The following CDADC1 variants were observed in gnomAD, a reference collection of about 807,000 sequenced individuals.
CDADC1 encodes dCTP deaminase.
In CDADC1, 39 loss-of-function variants were observed where a neutral mutation model predicts 54.9. That is an observed-to-expected ratio of 0.71 (90% CI 0.55 to 0.93). The LOEUF (loss-of-function observed/expected upper bound fraction) is 0.93. CDADC1 is among the 40% of genes least tolerant of loss of function. The pLI, the probability that CDADC1 is intolerant of heterozygous loss-of-function variation, is 0.00. For missense variants in CDADC1, 518 were observed against 618.8 expected, an observed-to-expected ratio of 0.84 and a Z score of 1.73; for synonymous variants, 186 against 204.0, an observed-to-expected ratio of 0.91 and a Z score of 0.75.
rs1953296198 is a variant in CDADC1 at position 49,280,696 on chromosome 13, A to T, written c.1408A>T (p.Thr470Ser). The T allele has an allele frequency of 1.3e-6, 2 of 1,569,436 alleles. No homozygotes were observed. Among genetic ancestry groups the T allele is most frequent in the Non-Finnish European group, 1.7e-6 (2 of 1,160,446 alleles). ...FGELEGVSKF[T>S]WQLNPSGAYG... The stretch of plus-strand genomic sequence containing the variant: ...GGAGCTTGAAGGTGTTAGCAAATTT[A>T]CGGTAAGTAGATACACATTTTTTTC... The change falls in exon 8 of 10, where the codon ACG (threonine) becomes TCG (serine). Residue 470 changes from threonine (T) to serine (S), a missense_variant and splice_region_variant. Coordinates refer to ENST00000251108, the MANE Select transcript of CDADC1 (RefSeq NM_030911.4).
intron 2 of CDADC1, among the ~76,000 whole-genome samples, chr13:49,252,863 A>G (rs1952465520): frequency 6.6e-6 from 1 of 152,230 alleles, no homozygotes; most frequent in Admixed American, 6.5e-5. Context: ...TAAATTTCAT[A>G]TGCATGTAGT....
chr13:49,267,061 T>C (rs1266846231), intron 4 of CDADC1, among the ~76,000 whole-genome samples: 2 of 152,176 alleles, frequency 1.3e-5, no homozygotes, highest in Admixed American at 1.3e-4. Flanking sequence ...AAAGGCCAGA[T>C]AATAAATATT....
intron 3 of CDADC1, 118 bp from the exon 4 acceptor site, chr13:49,259,228 C>T: frequency 2.6e-6 from 2 of 766,704 alleles, no homozygotes; most frequent in Non-Finnish European, 3.9e-6. Flanking sequence ...TTTGTACAAA[C>T]TCTGTTTAGA....
intron 8 of CDADC1, among the ~76,000 whole-genome samples, chr13:49,281,836 A>G (rs1012651023): frequency 3.3e-5 from 5 of 152,168 alleles, no homozygotes; most frequent in African/African-American, 1.2e-4. Context: ...CTCATTGCCC[A>G]GGCTGGAGTG....
intron 6 of CDADC1, among the ~76,000 whole-genome samples, chr13:49,274,666 G>A (rs995943158): frequency 4.0e-5 from 6 of 150,794 alleles, no homozygotes; most frequent in African/African-American, 9.8e-5. Context: ...GCGAGACTCC[G>A]TCTCAAAAAA....
intron 9 of CDADC1, among the ~76,000 whole-genome samples, chr13:49,290,235 C>T (rs990831031): frequency 1.3e-5 from 2 of 151,616 alleles, no homozygotes; most frequent in African/African-American, 4.8e-5. Context: ...TTGTTGGATT[C>T]GGCAGTATGT....
At chr13:49,283,370 G>T (rs1027562486) in intron 8 of CDADC1, among the ~76,000 whole-genome samples, 1 of 152,128 alleles carries the variant, frequency 6.6e-6, no homozygotes, top group Non-Finnish European at 1.5e-5. Context: ...AGAAGGCAGA[G>T]ATGGGAAAGA....
intron 6 of CDADC1, among the ~76,000 whole-genome samples, chr13:49,275,718 TATATATATAGAGAGAGAGAGAGAGAG>T (rs1566369978): frequency 3.3e-3 from 129 of 38,780 alleles, no homozygotes; most frequent in Admixed American, 4.2e-3. Context: ...TATATATATA[TATATATATAGAGAGAGAGAGAGAGAG>T]AGAGAGAGAG....
At position 49,248,047 on chromosome 13, in the gene CDADC1, G is replaced by A. The variant is rs1317722966; in HGVS notation, c.10G>A (p.Ala4Thr). Reference protein sequence around the residue: MKEAGQMQNLESAR... With the variant: MKETGQMQNLESAR... The stretch of plus-strand genomic sequence containing the variant: ...GGACGCTAGGTTTGGGATGAAAGAA[G>A]CTGGGCAGATGCAAAATCTGGAGAG... The change falls in exon 1 of 10, where the codon GCT becomes ACT. Residue 4 changes from alanine (A) to threonine (T), a missense_variant. Transcript: ENST00000251108. 1 of 1,553,314 alleles carries A rather than the reference G, an allele frequency of 6.4e-7. No individual in the cohort carries two copies. Among genetic ancestry groups the A allele is most frequent in the South Asian group, 1.2e-5 (1 of 84,126 alleles).
rs546800284 is a variant in CDADC1, at chr13:49,292,688, T to A, written c.*931T>A. ...TATGGTCATTTCAGCTATTCCAGATTGCTGTCTGTGATTTCTCACATTTTT... is the reference window on the plus strand; with the variant it reads ...TATGGTCATTTCAGCTATTCCAGATAGCTGTCTGTGATTTCTCACATTTTT... On this transcript the variant is annotated 3_prime_UTR_variant, in exon 10 of 10. Coordinates refer to ENST00000251108, the MANE Select transcript of CDADC1 (RefSeq NM_030911.4). The A allele has an allele frequency of 8.0e-7, 1 of 1,250,764 alleles. No homozygotes were observed. Among genetic ancestry groups the A allele is most frequent in the African/African-American group, 1.5e-5 (1 of 64,580 alleles). 77.5% of individuals were successfully genotyped at this position (1,250,764 alleles called of 1,614,324 possible). A position where few individuals can be genotyped will look rare whatever the true frequency, so the allele number is the denominator to read the frequency against.
intron 4 of CDADC1, among the ~76,000 whole-genome samples, chr13:49,263,707 CAG>C (rs1244534813): frequency 2.6e-5 from 4 of 152,084 alleles, no homozygotes; most frequent in Non-Finnish European, 5.9e-5. Flanking sequence ...AGATTGAAAA[CAG>C]AAGCAAATTT....
chr13:49,270,046 TACTCC>T (rs3035378), intron 5 of CDADC1, among the ~76,000 whole-genome samples: 44,696 of 151,730 alleles, frequency 0.29, 6,626 homozygotes, highest in East Asian at 0.5. Flanking sequence ...TCACTCACTC[TACTCC>T]ACTGTGCACT....
chr13:49,254,811 C>T (rs946731452), intron 2 of CDADC1, among the ~76,000 whole-genome samples: 1 of 152,178 alleles, frequency 6.6e-6, no homozygotes, highest in African/African-American at 2.4e-5. Flanking sequence ...GTGAGAGCTG[C>T]ATCTTGAGCA....
chr13:49,254,439 G>A (rs998477912), intron 2 of CDADC1, among the ~76,000 whole-genome samples: 34 of 138,938 alleles, frequency 2.4e-4, no homozygotes, highest in Non-Finnish European at 9.1e-5. Context: ...GTCTTGCTGT[G>A]TTGCCCAGGC....
intron 5 of CDADC1, among the ~76,000 whole-genome samples, chr13:49,273,108 A>G (rs1566367583): frequency 6.6e-6 from 1 of 152,178 alleles, no homozygotes; most frequent in Non-Finnish European, 1.5e-5. Context: ...TTGAGATGGG[A>G]AATTTTATTA....
chr13:49,278,584 CT>C, intron 7 of CDADC1, 65 bp downstream of exon 7: 1 of 1,105,376 alleles, frequency 9.0e-7, no homozygotes, highest in Non-Finnish European at 1.3e-6. Flanking sequence ...AATTAATTTT[CT>C]TATAATTGTA....
intron 6 of CDADC1, among the ~76,000 whole-genome samples, chr13:49,274,654 G>C (rs541224964): frequency 6.6e-6 from 1 of 151,942 alleles, no homozygotes; most frequent in East Asian, 1.9e-4. Context: ...CTGGGTGACA[G>C]AGCGAGACTC....
In CDADC1 at chr13:49,248,884, G is replaced by C; in HGVS notation, c.96G>C (p.Arg32Ser). Residue 32 changes from arginine (R) to serine (S), a missense_variant, in exon 2 of 10, where the codon AGG (arginine) becomes AGC (serine). Coordinates refer to ENST00000251108, the MANE Select transcript of CDADC1 (RefSeq NM_030911.4). ...QTGSMTGQIP[R>S]LSKVNLFTLL... ...TCTCTTTTGTAGGTCAGATACCAAG[G>C]CTTTCTAAAGTCAACCTTTTCACTC... is the stretch of plus-strand genomic sequence containing the variant. 2 of 1,606,798 alleles carry C rather than the reference G, an allele frequency of 1.2e-6. No homozygotes were observed. Among genetic ancestry groups the C allele is most frequent in the Non-Finnish European group, 1.7e-6 (2 of 1,173,300 alleles).
Position 49,279,041 on chromosome 13 carries a change from C to T in CDADC1, c.1220+522C>T, listed in dbSNP as rs149734751. On this transcript the variant is annotated intron_variant, in intron 7 of 9. Transcript: ENST00000251108. ...AATACTTACCATTGTGTTACAATGG[C>T]CTGCAGTATTCAGAATAGGGATTTA... Among the ~76,000 whole-genome samples, 335 of 152,178 alleles carry T rather than the reference C, an allele frequency of 2.2e-3. 2 individuals are homozygous for T. The highest frequency in any genetic ancestry group is 7.5e-3 in the African/African-American group (313 of 41,502).
Sources: gnomAD v4.1 joint callset for allele counts (sites outside exome capture counted in the v4.1 genomes callset) on GRCh38, gnomAD v4.1.1 for gene constraint, MANE v1.5 for transcripts, NCBI Gene and HGNC (gene_info 2026-07-23, HGNC 2026-07-21) for gene names.